The following KLHL1 variants were observed in gnomAD, a reference collection of about 807,000 sequenced individuals.
KLHL1 encodes kelch like family member 1.
KLHL1 carries 47 observed loss-of-function variants against 77.7 expected under a neutral mutation model. That is an observed-to-expected ratio of 0.60 (90% confidence interval 0.48 to 0.77). The LOEUF (loss-of-function observed/expected upper bound fraction) is 0.77. KLHL1 is among the 30% of genes least tolerant of loss of function. KLHL1 has a pLI of 0.00. For missense variants in KLHL1, 925 were observed against 910.8 expected, an observed-to-expected ratio of 1.02 and a Z score of -0.20; for synonymous variants, 360 against 325.2, an observed-to-expected ratio of 1.11 and a Z score of -1.15.
intron 1 of KLHL1, among the ~76,000 whole-genome samples, chr13:70,097,602 T>C (rs1887824017): frequency 6.6e-6 from 1 of 152,014 alleles, no homozygotes; most frequent in Non-Finnish European, 1.5e-5. Context: ...ATCTATACTT[T>C]CTTGAGTTTT....
intron 1 of KLHL1, among the ~76,000 whole-genome samples, chr13:70,062,259 G>A (rs1886909462): frequency 6.6e-6 from 1 of 152,020 alleles, no homozygotes; most frequent in Non-Finnish European, 1.5e-5. Flanking sequence ...AGATAAATAT[G>A]AACAATTTAT....
chr13:69,705,608 G>T (rs1040035347), intron 10 of KLHL1, among the ~76,000 whole-genome samples: 1 of 151,570 alleles, frequency 6.6e-6, no homozygotes, highest in Non-Finnish European at 1.5e-5. Flanking sequence ...TTTTGTGTGG[G>T]TTGGCTGCTC....
chr13:69,868,635 G>T (rs75388120), intron 5 of KLHL1, among the ~76,000 whole-genome samples: 2,536 of 151,942 alleles, frequency 0.017, 31 homozygotes, highest in Middle Eastern at 0.048. Flanking sequence ...CAATATCTGC[G>T]TTGTTATTTA....
intron 7 of KLHL1, among the ~76,000 whole-genome samples, chr13:69,747,309 T>C (rs1462772194): frequency 6.6e-6 from 1 of 152,058 alleles, no homozygotes; most frequent in Non-Finnish European, 1.5e-5. Context: ...ATCTATTGTA[T>C]TGATTGTCAT....
intron 5 of KLHL1, among the ~76,000 whole-genome samples, chr13:69,855,409 CAGATAG>C (rs1167330534): frequency 1.3e-5 from 2 of 150,472 alleles, no homozygotes; most frequent in Admixed American, 6.6e-5. Flanking sequence ...GATAGAGATA[CAGATAG>C]AGATAGAGAC....
Position 69,823,476 on chromosome 13 carries a change from T to C in KLHL1, c.1414+15500A>G, listed in dbSNP as rs117309228. 6.4e-3 allele frequency among the ~76,000 whole-genome samples: 975 copies of C among 152,130 alleles called. 8 individuals carry two copies. The highest frequency in any genetic ancestry group is 0.011 in the Non-Finnish European group (758 of 67,928). ...AAAAAATCATTAAAATTATTTATTT[T>C]AAAAATTATTTACATTTCTAATAAA... On this transcript the variant is annotated intron_variant, in intron 6 of 10. Coordinates refer to ENST00000377844, the MANE Select transcript of KLHL1 (RefSeq NM_020866.3).
At chr13:69,982,481 A>ATAAT (rs1438461766) in intron 1 of KLHL1, among the ~76,000 whole-genome samples, 4 of 144,794 alleles carry the variant, frequency 2.8e-5, no homozygotes, top group African/African-American at 1.0e-4. Flanking sequence ...AATAATAATA[A>ATAAT]AATAAAAAGC....
chr13:69,893,435 C>G (rs567479323), intron 4 of KLHL1, among the ~76,000 whole-genome samples: 3,222 of 152,008 alleles, frequency 0.021, 53 homozygotes, highest in Middle Eastern at 0.048. Context: ...GGGGTTTCAC[C>G]TTGTTAGCCA....
At chr13:69,835,049 TTAAC>T (rs747054073) in intron 6 of KLHL1, among the ~76,000 whole-genome samples, 13 of 152,142 alleles carry the variant, frequency 8.5e-5, no homozygotes, top group Non-Finnish European at 7.3e-5. Flanking sequence ...CCAAAATTAA[TTAAC>T]TAAGAAAATG....
intron 7 of KLHL1, among the ~76,000 whole-genome samples, chr13:69,749,300 T>C (rs1051090283): frequency 3.3e-5 from 5 of 151,996 alleles, no homozygotes; most frequent in African/African-American, 1.2e-4. Context: ...AAAACTGCAT[T>C]CTAAAAATAA....
At chr13:70,040,365 C>T (rs1207057131) in intron 1 of KLHL1, among the ~76,000 whole-genome samples, 1 of 152,180 alleles carries the variant, frequency 6.6e-6, no homozygotes, top group Non-Finnish European at 1.5e-5. Context: ...ATGTTCACTA[C>T]TTGGGTGTCA....
At chr13:69,903,564 C>T (rs957043607) in intron 4 of KLHL1, among the ~76,000 whole-genome samples, 2 of 147,652 alleles carry the variant, frequency 1.4e-5, no homozygotes, top group Non-Finnish European at 3.0e-5. Flanking sequence ...GTCTCATTTG[C>T]AAACTGCTCA....
intron 1 of KLHL1, among the ~76,000 whole-genome samples, chr13:70,049,346 T>G (rs1402959433): frequency 2.0e-5 from 3 of 152,212 alleles, no homozygotes; most frequent in African/African-American, 7.2e-5. Context: ...ACTACATTTG[T>G]CCTTTTAAAA....
chr13:69,975,884 G>A, intron 1 of KLHL1, 82 bp from the exon 2 acceptor site: 4 of 1,388,838 alleles, frequency 2.9e-6, no homozygotes, highest in Non-Finnish European at 3.7e-6. Context: ...TAACATACAG[G>A]TTTTTATCAT....
At chr13:70,083,425 TGAATAGCCAGG>T (rs1887441644) in intron 1 of KLHL1, among the ~76,000 whole-genome samples, 1 of 152,144 alleles carries the variant, frequency 6.6e-6, no homozygotes, top group South Asian at 2.1e-4. Flanking sequence ...CCACCTTAGC[TGAATAGCCAGG>T]ACTGCAAACA....
chr13:70,042,570 C>G (rs1287648433), intron 1 of KLHL1, among the ~76,000 whole-genome samples: 1 of 152,092 alleles, frequency 6.6e-6, no homozygotes, highest in Non-Finnish European at 1.5e-5. Flanking sequence ...CTGGTATAAA[C>G]AAACATACTG....
chr13:69,977,244 C>G (rs147728219), intron 1 of KLHL1, among the ~76,000 whole-genome samples: 1 of 151,696 alleles, frequency 6.6e-6, no homozygotes, highest in African/African-American at 2.4e-5. Flanking sequence ...CAGATATGTT[C>G]GAATATATGG....
chr13:69,826,200 C>T (rs927819259), intron 6 of KLHL1, among the ~76,000 whole-genome samples: 1 of 151,890 alleles, frequency 6.6e-6, no homozygotes, highest in Admixed American at 6.6e-5. Context: ...AAATGTTGGT[C>T]AAGGAACACA....
chr13:69,781,686 A>T (rs558573823), intron 7 of KLHL1, among the ~76,000 whole-genome samples: 4 of 152,276 alleles, frequency 2.6e-5, no homozygotes, highest in Middle Eastern at 3.4e-3. Context: ...TAGGATACAA[A>T]ATTTGAAACA....
Sources: allele counts gnomAD v4.1 joint callset (sites outside exome capture counted in the v4.1 genomes callset), GRCh38; gene constraint gnomAD v4.1.1; transcripts MANE v1.5; gene names NCBI Gene and HGNC (gene_info 2026-07-23, HGNC 2026-07-21).